The following BCL7A variants were observed in gnomAD, a reference collection of about 807,000 sequenced individuals.
The protein encoded by BCL7A is B-cell CLL/lymphoma 7 protein family member A.
Under a neutral mutation model 28.4 loss-of-function variants are expected in BCL7A, and 11 were observed. The observed-to-expected ratio is 0.39, with a 90% CI of 0.24 to 0.64. The LOEUF (loss-of-function observed/expected upper bound fraction) is 0.64. Ranked by LOEUF, BCL7A falls within the 30% of genes least tolerant of loss-of-function variation. The pLI is 0.50. For missense variants in BCL7A, 222 were observed against 274.8 expected (o/e 0.81, Z 1.36); for synonymous variants, 123 against 103.3 (o/e 1.19, Z -1.15).
chr12:122,022,869 G>C (rs1443570369), intron 1 of BCL7A, among the ~76,000 whole-genome samples: 1 of 151,826 alleles, frequency 6.6e-6, no homozygotes, highest in Non-Finnish European at 1.5e-5. Flanking sequence ...GGCGCGGGGC[G>C]CCCACGTCCC....
chr12:122,047,509 G>A (rs1593033097), intron 4 of BCL7A, among the ~76,000 whole-genome samples: 1 of 151,836 alleles, frequency 6.6e-6, no homozygotes, highest in South Asian at 2.1e-4. Flanking sequence ...GGGCGACAGA[G>A]CGAGAATCCG....
chr12:122,024,930 T>A, intron 1 of BCL7A, among the ~76,000 whole-genome samples: 1 of 151,286 alleles, frequency 6.6e-6, no homozygotes, highest in East Asian at 2.0e-4. Context: ...CCCCTAAAAT[T>A]ACCCCCCCGA....
chr12:122,051,250 A>G (rs911500809), intron 4 of BCL7A, among the ~76,000 whole-genome samples: 3 of 152,138 alleles, frequency 2.0e-5, no homozygotes, highest in Non-Finnish European at 4.4e-5. Flanking sequence ...GCTGCCCTGC[A>G]CTGCTCAGCC....
chr12:122,026,286 GA>G (rs955769900), intron 1 of BCL7A, among the ~76,000 whole-genome samples: 3 of 145,250 alleles, frequency 2.1e-5, no homozygotes, highest in African/African-American at 5.1e-5. Flanking sequence ...AAAAAAAAAA[GA>G]AAAAAATTAG....
rs1414037011 is a variant in BCL7A at position 122,044,879 on chromosome 12, G to C, written c.439+826G>C. On this transcript the variant is annotated intron_variant, in intron 4 of 5. Coordinates refer to ENST00000261822, the MANE Select transcript of BCL7A (RefSeq NM_001024808.3). ...ATGTATTTAAAAATCAGACAACCTA[G>C]TATTAGGAAGATAAGTGTGGCAGAG... is the stretch of plus-strand genomic sequence containing the variant. 5.3e-5 allele frequency among the ~76,000 whole-genome samples: 8 copies of C among 152,262 alleles called. No homozygotes were observed. The East Asian group carries it at 1.5e-3, about 29-fold the overall frequency.
At chr12:122,044,398 T>C in intron 4 of BCL7A, 1 of 212,932 alleles carries the variant, frequency 4.7e-6, no homozygotes, top group South Asian at 1.0e-4. Context: ...ATCCAGCTAC[T>C]CAGGAGGCCG....
chr12:122,039,798 G>A (rs1249091024), intron 3 of BCL7A, among the ~76,000 whole-genome samples: 3 of 150,878 alleles, frequency 2.0e-5, no homozygotes, highest in Non-Finnish European at 4.4e-5. Context: ...GTTGCAGTGA[G>A]CTGAGATCAT....
At chr12:122,050,063 G>A (rs1237996421) in intron 4 of BCL7A, among the ~76,000 whole-genome samples, 4 of 152,160 alleles carry the variant, frequency 2.6e-5, no homozygotes, top group Non-Finnish European at 5.9e-5. Context: ...CAACCTCTCT[G>A]CCTCCCGGGT....
intron 4 of BCL7A, among the ~76,000 whole-genome samples, chr12:122,049,629 A>T (rs1884150456): frequency 6.6e-6 from 1 of 152,154 alleles, no homozygotes; most frequent in South Asian, 2.1e-4. Flanking sequence ...TTGCAGGTTC[A>T]TGCCATTCTC....
intron 3 of BCL7A, among the ~76,000 whole-genome samples, chr12:122,041,255 T>C (rs973254115): frequency 6.6e-6 from 1 of 152,114 alleles, no homozygotes; most frequent in African/African-American, 2.4e-5. Flanking sequence ...GTGAAGGTGG[T>C]AACGGTGCCT....
chr12:122,036,540 C>T (rs530514284), intron 3 of BCL7A, among the ~76,000 whole-genome samples: 1 of 152,154 alleles, frequency 6.6e-6, no homozygotes, highest in Non-Finnish European at 1.5e-5. Context: ...AGGAAACGTG[C>T]AAATGATGTG....
At chr12:122,051,866 C>CA (rs1884197292) in intron 4 of BCL7A, among the ~76,000 whole-genome samples, 1 of 80,330 alleles carries the variant, frequency 1.2e-5, no homozygotes, top group African/African-American at 5.0e-5. Context: ...CTCTCTCTCT[C>CA]TTTTTTTTTT....
At chr12:122,032,925 C>T (rs1488554426) in intron 2 of BCL7A, among the ~76,000 whole-genome samples, 2 of 152,194 alleles carry the variant, frequency 1.3e-5, no homozygotes, top group Non-Finnish European at 2.9e-5. Flanking sequence ...CTGGGCCCAT[C>T]ACCAGCCGCT....
chr12:122,059,142 A>G lies in BCL7A; in HGVS notation c.612A>G (p.Gln204=), dbSNP rs1238586702. The change falls in exon 6 of 6, where the codon CAA becomes CAG. Residue 204 remains glutamine (Q), a synonymous_variant. Coordinates refer to ENST00000261822, the MANE Select transcript of BCL7A (RefSeq NM_001024808.3). The surrounding 1 kb of genome is among the most constrained non-coding windows in gnomAD (Gnocchi z 4.0). ...PSKKMKLEAS[Q]QNSEEM is the part of the protein sequence containing the mutation. The stretch of plus-strand genomic sequence containing the variant: ...AAAAGATGAAACTGGAGGCCTCTCA[A>G]CAAAACTCCGAAGAGATGTAGACGA... 1.2e-6 allele frequency: 2 copies of G among 1,612,518 alleles called. No homozygotes were observed. Among genetic ancestry groups the G allele is most frequent in the South Asian group, 2.2e-5 (2 of 91,048 alleles).
intron 3 of BCL7A, among the ~76,000 whole-genome samples, chr12:122,035,925 A>G (rs1028495925): frequency 6.6e-5 from 10 of 151,866 alleles, no homozygotes; most frequent in Non-Finnish European, 1.3e-4. Context: ...ACTGCAATCT[A>G]TGCCTCCTGG....
chr12:122,055,019 TTTG>T, intron 5 of BCL7A, 93 bp downstream of exon 5: 1 of 1,606,452 alleles, frequency 6.2e-7, no homozygotes, highest in Non-Finnish European at 8.5e-7. Context: ...GTCATTGTGT[TTTG>T]TTGTTTTGTC....
intron 1 of BCL7A, among the ~76,000 whole-genome samples, chr12:122,022,653 C>A (rs1883492534): frequency 6.8e-6 from 1 of 146,106 alleles, no homozygotes; most frequent in African/African-American, 2.5e-5. Flanking sequence ...GCCGTCTCCT[C>A]CCCGCGCACC....
intron 1 of BCL7A, among the ~76,000 whole-genome samples, chr12:122,022,585 C>T (rs1883490161): frequency 1.4e-5 from 2 of 145,150 alleles, no homozygotes; most frequent in East Asian, 2.1e-4. Context: ...GGCCGCGATG[C>T]CGGCGGCGGC....
chr12:122,046,272 G>T (rs968299307), intron 4 of BCL7A, among the ~76,000 whole-genome samples: 1 of 152,084 alleles, frequency 6.6e-6, no homozygotes, highest in Non-Finnish European at 1.5e-5. Context: ...GAGCGGGTCT[G>T]GGGAGGGCAG....
Sources: gnomAD v4.1 joint callset for allele counts (sites outside exome capture counted in the v4.1 genomes callset) on GRCh38, gnomAD v4.1.1 for gene constraint, Gnocchi (gnomAD v3.1) non-coding constraint, MANE v1.5 for transcripts, NCBI Gene and HGNC (gene_info 2026-07-23, HGNC 2026-07-21) for gene names.